CSTF3: variants seen among roughly 807,000 people sequenced by gnomAD.
CSTF3 encodes cleavage stimulation factor subunit 3, also known as CF-1 77 kDa subunit.
CSTF3 carries 29 observed loss-of-function variants against 105.8 expected under a neutral mutation model. The ratio of observed to expected loss-of-function variants is 0.27; its 90% CI spans 0.20 to 0.37. The LOEUF (loss-of-function observed/expected upper bound fraction) is 0.37. CSTF3 is among the 10% of genes least tolerant of loss of function. The pLI, the probability that CSTF3 is intolerant of heterozygous loss-of-function variation, is 1.00. For missense variants in CSTF3, 357 were observed against 879.3 expected, an observed-to-expected ratio of 0.41 and a Z score of 7.51; for synonymous variants, 252 against 281.9, an observed-to-expected ratio of 0.89 and a Z score of 1.06.
At chr11:33,154,592 G>A (rs1849835629) in intron 1 of CSTF3, among the ~76,000 whole-genome samples, 1 of 148,648 alleles carries the variant, frequency 6.7e-6, no homozygotes, top group South Asian at 2.1e-4. Flanking sequence ...CGACTCCCGG[G>A]TTCAAGTGAT....
chr11:33,126,965 CAGT>C (rs1435724848), intron 3 of CSTF3, among the ~76,000 whole-genome samples: 4 of 152,130 alleles, frequency 2.6e-5, no homozygotes, highest in African/African-American at 9.7e-5. Flanking sequence ...AGAGTGGTCA[CAGT>C]AGATCTCAAT....
intron 3 of CSTF3, among the ~76,000 whole-genome samples, chr11:33,110,073 A>T (rs763383041): frequency 4.6e-5 from 7 of 152,060 alleles, no homozygotes; most frequent in Non-Finnish European, 7.4e-5. Flanking sequence ...TTCCAGTTGT[A>T]TTTCTCCTCT....
chr11:33,149,784 C>T (rs889803467), intron 1 of CSTF3, among the ~76,000 whole-genome samples: 3 of 151,884 alleles, frequency 2.0e-5, no homozygotes, highest in Non-Finnish European at 2.9e-5. Context: ...TTTGGGAGGC[C>T]GAGGCAGGTG....
At position 33,141,974 on chromosome 11, in the gene CSTF3, C is replaced by T; in HGVS notation, c.40G>A (p.Val14Ile). ...TCCGCTTTCTTCACCTTCTCTGGGA[C>T]ATACTCAGCTGCCTGGGGAAAAAAA... is the stretch of plus-strand genomic sequence containing the variant. ...DGATEQAAEY[V>I]PEKVKKAEKK... The change falls in exon 2 of 21, where the codon GTC becomes ATC. Residue 14 changes from valine (V) to isoleucine (I), a missense_variant. This residue lies in a region of CSTF3 where 78 missense variants were observed against 180.4 expected (regional missense o/e 0.43). Transcript: ENST00000323959. 1 of 1,613,544 alleles carries T rather than the reference C, an allele frequency of 6.2e-7. No homozygotes were observed. Among genetic ancestry groups the T allele is most frequent in the Middle Eastern group, 1.7e-4 (1 of 6,060 alleles).
chr11:33,103,039 C>G (rs937658074), intron 9 of CSTF3, 68 bp downstream of exon 9: 2 of 1,014,650 alleles, frequency 2.0e-6, no homozygotes, highest in African/African-American at 3.4e-5. Context: ...TAATACCAGA[C>G]AGGGAAAGCT....
chr11:33,146,420 G>A (rs1424923616), intron 1 of CSTF3, among the ~76,000 whole-genome samples: 2 of 151,990 alleles, frequency 1.3e-5, no homozygotes, highest in African/African-American at 4.8e-5. Flanking sequence ...AGATGTGGTG[G>A]TGCATGCCTA....
At chr11:33,140,167 T>C (rs990432147) in intron 3 of CSTF3, among the ~76,000 whole-genome samples, 1 of 152,084 alleles carries the variant, frequency 6.6e-6, no homozygotes, top group Non-Finnish European at 1.5e-5. Flanking sequence ...AAAGCCAGAC[T>C]AGAATGCAGA....
At chr11:33,087,204 A>C (rs777942009) in intron 17 of CSTF3, 63 bp from the exon 18 acceptor site, 111 of 1,551,100 alleles carry the variant, frequency 7.2e-5, no homozygotes, top group Non-Finnish European at 9.6e-5. Context: ...ATAATCATGC[A>C]ATAACCTTGA....
At chr11:33,154,927 T>C (rs912595656) in intron 1 of CSTF3, among the ~76,000 whole-genome samples, 1 of 152,178 alleles carries the variant, frequency 6.6e-6, no homozygotes, top group African/African-American at 2.4e-5. Flanking sequence ...TGTGTTCCTT[T>C]ACCAATGCAA....
chr11:33,098,801 G>A (rs1292447424), intron 12 of CSTF3, 37 bp from the exon 13 acceptor site: 4 of 1,391,470 alleles, frequency 2.9e-6, no homozygotes, highest in Non-Finnish European at 3.9e-6. Context: ...TCAACATATG[G>A]TCATAAATAA....
chr11:33,160,600 TCA>T (rs1439687163), intron 1 of CSTF3, among the ~76,000 whole-genome samples: 1 of 152,162 alleles, frequency 6.6e-6, no homozygotes, highest in Non-Finnish European at 1.5e-5. Flanking sequence ...AAGAAACAAA[TCA>T]CACTGATCTA....
At chr11:33,111,752 T>C (rs1472280066) in intron 3 of CSTF3, among the ~76,000 whole-genome samples, 1 of 152,226 alleles carries the variant, frequency 6.6e-6, no homozygotes, top group East Asian at 1.9e-4. Flanking sequence ...GGTAAATTGG[T>C]ATTAGCCCAA....
chr11:33,090,470 A>G (rs535562260), intron 17 of CSTF3, 62 bp downstream of exon 17: 46 of 1,004,858 alleles, frequency 4.6e-5, no homozygotes, highest in African/African-American at 2.2e-4. Context: ...CAGGTTATCA[A>G]TGAACTCTTC....
At chr11:33,096,257 C>A in intron 15 of CSTF3, 49 bp downstream of exon 15, 1 of 1,226,070 alleles carries the variant, frequency 8.2e-7, no homozygotes, top group Non-Finnish European at 1.1e-6. Context: ...AACATAATTC[C>A]ACATGGTTTA....
intron 3 of CSTF3, among the ~76,000 whole-genome samples, chr11:33,110,939 A>C (rs1471261301): frequency 1.3e-5 from 2 of 152,150 alleles, no homozygotes. Context: ...ATCCTATAAA[A>C]ATAAAAGCAG....
chr11:33,106,741 G>A (rs914373490), intron 5 of CSTF3, among the ~76,000 whole-genome samples: 10 of 151,974 alleles, frequency 6.6e-5, no homozygotes, highest in Non-Finnish European at 1.5e-4. Context: ...TCTACTGCTT[G>A]TGAGCTTATC....
intron 1 of CSTF3, 135 bp downstream of exon 1, chr11:33,161,164 C>A: frequency 1.2e-6 from 1 of 832,604 alleles, no homozygotes; most frequent in Non-Finnish European, 1.9e-6. Flanking sequence ...TCCCCATTCC[C>A]ACCACTCTTC....
chr11:33,108,300 T>C, intron 4 of CSTF3, 86 bp downstream of exon 4: 2 of 1,171,302 alleles, frequency 1.7e-6, no homozygotes, highest in Non-Finnish European at 2.3e-6. Flanking sequence ...GATTCAATTA[T>C]TATTAACATT....
intron 3 of CSTF3, among the ~76,000 whole-genome samples, chr11:33,116,314 T>G (rs948526429): frequency 6.6e-6 from 1 of 152,164 alleles, no homozygotes; most frequent in Non-Finnish European, 1.5e-5. Flanking sequence ...TATGACCCAG[T>G]TGAAAACATA....
Sources: allele counts gnomAD v4.1 joint callset (sites outside exome capture counted in the v4.1 genomes callset), GRCh38; gene constraint gnomAD v4.1.1; regional missense constraint gnomAD v4.1.1; transcripts MANE v1.5; gene names NCBI Gene and HGNC (gene_info 2026-07-23, HGNC 2026-07-21).